SPATA3: variants seen among roughly 807,000 people sequenced by gnomAD.
The protein encoded by SPATA3 is spermatogenesis associated 3, also known as spermatogenesis-associated protein 3.
In SPATA3, 6 loss-of-function variants were observed where a neutral mutation model predicts 5.7. That is an observed-to-expected ratio of 1.06 (90% CI 0.58 to 2.09). The LOEUF is 2.09. Among genes scored for constraint, SPATA3 ranks in the 30% most tolerant of loss-of-function variants. SPATA3 has a pLI of 0.00. For missense variants in SPATA3, 155 were observed against 130.4 expected (o/e 1.19, Z -0.92); for synonymous variants, 44 against 48.4 (o/e 0.91, Z 0.37).
chr2:230,997,087 T>A (rs1169929195), intron 1 of SPATA3, among the ~76,000 whole-genome samples: 1 of 152,198 alleles, frequency 6.6e-6, no homozygotes, highest in African/African-American at 2.4e-5. Flanking sequence ...TGTTCCTTAT[T>A]GTCCTCAGAG....
At chr2:231,005,523 C>T (rs781634521), downstream of SPATA3, among the ~76,000 whole-genome samples, 10 of 472 alleles carry the variant, frequency 0.021, no homozygotes, top group African/African-American at 0.034. Context: ...ACCATCACCA[C>T]CACCACCATC....
downstream of SPATA3, among the ~76,000 whole-genome samples, chr2:231,009,362 C>T (rs1014821219): frequency 6.6e-6 from 1 of 152,190 alleles, no homozygotes; most frequent in African/African-American, 2.4e-5. Flanking sequence ...TGCAGCAGAT[C>T]CTGGCAGTTG....
chr2:231,016,812 C>T (rs1335376788), intron 6 of SPATA3, among the ~76,000 whole-genome samples: 1 of 152,304 alleles, frequency 6.6e-6, no homozygotes, highest in South Asian at 2.1e-4. Context: ...GCCCTCTCCT[C>T]TCTCCTCTCA....
chr2:230,999,097 A>G (rs1170765943), intron 1 of SPATA3, among the ~76,000 whole-genome samples: 1 of 152,236 alleles, frequency 6.6e-6, no homozygotes, highest in Non-Finnish European at 1.5e-5. Flanking sequence ...GTCCTGATAC[A>G]TGGTACAGCC....
downstream of SPATA3, among the ~76,000 whole-genome samples, chr2:231,006,102 G>C (rs1692614915): frequency 6.6e-6 from 1 of 151,658 alleles, no homozygotes; most frequent in Non-Finnish European, 1.5e-5. Context: ...GGCTGAGGTG[G>C]AAGGATTGCA....
At chr2:231,012,019 A>G (rs906482394), downstream of SPATA3, among the ~76,000 whole-genome samples, 4 of 152,212 alleles carry the variant, frequency 2.6e-5, no homozygotes, top group Non-Finnish European at 4.4e-5. Flanking sequence ...TTCCGGTCCT[A>G]AGCCAGGAGG....
downstream of SPATA3, among the ~76,000 whole-genome samples, chr2:231,008,837 C>A (rs1692709422): frequency 6.6e-6 from 1 of 152,228 alleles, no homozygotes; most frequent in South Asian, 2.1e-4. Flanking sequence ...GTGGCTTGCT[C>A]CAGGGGCACA....
chr2:231,014,585 C>A lies in SPATA3; in HGVS notation c.*565+373C>A, dbSNP rs553698986. Reference sequence around the variant, plus strand: ...ATCCTGGGGGACGGAAGCTGCCCATCTGGACCCCTCAGCTCTGCAATCCCA... The same window carrying A: ...ATCCTGGGGGACGGAAGCTGCCCATATGGACCCCTCAGCTCTGCAATCCCA... On this transcript the variant is annotated intron_variant, in intron 6 of 8. Coordinates refer to the SPATA3 transcript ENST00000452881. Among the ~76,000 whole-genome samples the A allele has an allele frequency of 1.4e-4, 22 of 152,232 alleles. No individual in the cohort carries two copies. In the South Asian group the frequency reaches 3.3e-3, roughly 23 times the overall value.
chr2:231,005,237 A>G (rs1692531822), downstream of SPATA3, among the ~76,000 whole-genome samples: 2 of 143,128 alleles, frequency 1.4e-5, no homozygotes, highest in Non-Finnish European at 3.1e-5. Flanking sequence ...CATCACCATC[A>G]CCACCACCAT....
intron 6 of SPATA3, among the ~76,000 whole-genome samples, chr2:231,018,689 C>G (rs1400119984): frequency 6.8e-6 from 1 of 146,516 alleles, no homozygotes; most frequent in Non-Finnish European, 1.5e-5. Context: ...ATTGGTTTTT[C>G]TTTTTTTTTT....
downstream of SPATA3, among the ~76,000 whole-genome samples, chr2:231,012,040 C>T (rs1033518448): frequency 1.3e-5 from 2 of 152,192 alleles, no homozygotes; most frequent in East Asian, 1.9e-4. Flanking sequence ...AACTGAGCTG[C>T]GAGCTAGCGA....
At chr2:231,018,078 C>A (rs2125127590) in intron 6 of SPATA3, among the ~76,000 whole-genome samples, 1 of 152,192 alleles carries the variant, frequency 6.6e-6, no homozygotes, top group African/African-American at 2.4e-5. Flanking sequence ...GAGCACACCA[C>A]CCCGCCCAGC....
downstream of SPATA3, among the ~76,000 whole-genome samples, chr2:231,010,028 G>C (rs377620223): frequency 1.1e-4 from 17 of 152,356 alleles, 1 homozygote; most frequent in African/African-American, 4.1e-4. Flanking sequence ...GAGTGAGCAG[G>C]TATATTTCCT....
At chr2:231,005,353 C>T (rs1692555765), downstream of SPATA3, among the ~76,000 whole-genome samples, 8 of 105,658 alleles carry the variant, frequency 7.6e-5, no homozygotes, top group South Asian at 2.5e-3. Context: ...TCATCACCAT[C>T]ACCACCACCA....
At chr2:231,015,983 G>A (rs932724779) in intron 6 of SPATA3, among the ~76,000 whole-genome samples, 3 of 152,236 alleles carry the variant, frequency 2.0e-5, no homozygotes, top group Admixed American at 6.5e-5. Flanking sequence ...TGTGAAGTCC[G>A]GCTTGAAAAT....
At chr2:231,002,534 A>T (rs1269544299) in intron 2 of SPATA3, 150 bp from the exon 3 acceptor site, 3 of 458,816 alleles carry the variant, frequency 6.5e-6, no homozygotes, top group East Asian at 7.1e-5. Flanking sequence ...GATGGGAAGA[A>T]TTAAATGCTC....
chr2:230,996,128 G>A (rs1692106762), intron 1 of SPATA3: 2 of 1,244,996 alleles, frequency 1.6e-6, no homozygotes, highest in Admixed American at 2.8e-5. Flanking sequence ...TCCAGCTGGA[G>A]GCCCAAGCCA....
At chr2:230,996,504 G>C in intron 1 of SPATA3, 1 of 1,552,024 alleles carries the variant, frequency 6.4e-7, no homozygotes, top group Non-Finnish European at 8.7e-7. Context: ...AGATGCTAAC[G>C]TGAAGGCAGC....
At chr2:231,000,515 C>T (rs1692310549) in exon 2 of SPATA3, 2 of 1,541,638 alleles carry the variant, frequency 1.3e-6, no homozygotes, top group Non-Finnish European at 1.8e-6. Flanking sequence ...GAGAGGACTC[C>T]CCAACCTGCT....
Sources: gnomAD v4.1 joint callset for allele counts (sites outside exome capture counted in the v4.1 genomes callset) on GRCh38, gnomAD v4.1.1 for gene constraint, MANE v1.5 for transcripts, NCBI Gene and HGNC (gene_info 2026-07-23, HGNC 2026-07-21) for gene names.